Variants in SCAF4 observed in about 807,000 individuals in gnomAD.
SCAF4 encodes SR-related CTD associated factor 4.
SCAF4 carries 25 observed loss-of-function variants against 129.8 expected under a neutral mutation model. The ratio of observed to expected loss-of-function variants is 0.19; its 90% CI spans 0.14 to 0.27. SCAF4 has a LOEUF of 0.27. Ranked by LOEUF, SCAF4 falls within the 10% of genes least tolerant of loss-of-function variation. SCAF4 has a pLI of 1.00. For missense variants in SCAF4, 1,246 were observed against 1,457.1 expected (o/e 0.86, Z 2.36); for synonymous variants, 551 against 497.7 (o/e 1.11, Z -1.43).
chr21:31,706,438 A>G (rs2050664412), intron 1 of SCAF4, 81 bp from the exon 2 acceptor site: 4 of 896,110 alleles, frequency 4.5e-6, no homozygotes, highest in Admixed American at 2.4e-5. Flanking sequence ...TATCTACATC[A>G]CCACTTGGAA....
chr21:31,706,691 G>A, intron 1 of SCAF4: 1 of 281,148 alleles, frequency 3.6e-6, no homozygotes, highest in South Asian at 5.6e-5. Context: ...AAAGGCAGCA[G>A]AAGTATAAAT....
At chr21:31,705,790 T>G (rs914419763) in intron 2 of SCAF4, among the ~76,000 whole-genome samples, 2 of 152,306 alleles carry the variant, frequency 1.3e-5, no homozygotes, top group Middle Eastern at 3.4e-3. Context: ...CTAAAATAAG[T>G]CACATTTTAA....
In SCAF4 at chr21:31,680,103, C is replaced by A. The variant is rs538834048; in HGVS notation, c.2488+4946G>T. Among the ~76,000 whole-genome samples, 8 of 152,174 alleles carry A rather than the reference C, an allele frequency of 5.3e-5. No homozygotes were observed. The South Asian group carries it at 1.7e-3, about 32-fold the overall frequency. On this transcript the variant is annotated intron_variant, in intron 19 of 19. Transcript: ENST00000286835. ...CAATCTAGAGCCCAGAGTTACTGCC[C>A]CTCCCACCTTCCTCAAGATGTCCCT...
At chr21:31,731,612 C>T in intron 1 of SCAF4, 51 bp downstream of exon 1, 3 of 1,573,482 alleles carry the variant, frequency 1.9e-6, no homozygotes, top group Non-Finnish European at 2.6e-6. Flanking sequence ...GAGAAACGAG[C>T]CCCGGCTCCC....
At chr21:31,711,488 G>A (rs1200800718) in intron 1 of SCAF4, among the ~76,000 whole-genome samples, 1 of 152,180 alleles carries the variant, frequency 6.6e-6, no homozygotes, top group Non-Finnish European at 1.5e-5. Flanking sequence ...GACAGAAATA[G>A]TAACAACCTT....
Position 31,693,427 on chromosome 21 carries a change from T to A in SCAF4, c.1380A>T (p.Arg460=). The A allele has an allele frequency of 6.4e-7, 1 of 1,563,164 alleles. No homozygotes were observed. Among genetic ancestry groups the A allele is most frequent in the African/African-American group, 1.4e-5 (1 of 73,694 alleles). Residue 460 remains arginine (R), a synonymous_variant, in exon 12 of 20, where the codon CGA becomes CGT. Transcript: ENST00000286835. ...TATCCCTGGACCGAGATCGAGAACGTCGATGCCGAGACCTTCGAGATCTAG... is the reference window on the plus strand; with the variant it reads ...TATCCCTGGACCGAGATCGAGAACGACGATGCCGAGACCTTCGAGATCTAG... The part of the protein sequence containing the change: ...SGSRSRRSRH[R]RSRSRSRDRR...
chr21:31,671,140 A>G lies in SCAF4; in HGVS notation c.*259T>C. ...AAAAAAAAAAATAGAGAGCACTTCT[A>G]ATTACGATTTGTAAACTTTTTAAAG... On this transcript the variant is annotated 3_prime_UTR_variant, in exon 20 of 20. Transcript: ENST00000286835. The G allele has an allele frequency of 2.7e-6, 1 of 369,182 alleles. No individual in the cohort carries two copies. The allele number at this position is 369,182 out of a possible 1,614,324, so 22.9% of individuals were successfully genotyped here.
At chr21:31,684,825 C>CT in intron 19 of SCAF4, 1 of 528,646 alleles carries the variant, frequency 1.9e-6, no homozygotes, top group East Asian at 3.3e-5. Context: ...ATGATTTTGT[C>CT]TTTGAGATTC....
At chr21:31,694,758 G>T in intron 10 of SCAF4, 55 bp downstream of exon 10, 1 of 1,519,620 alleles carries the variant, frequency 6.6e-7, no homozygotes, top group East Asian at 2.3e-5. Flanking sequence ...GGAGAAATCT[G>T]CATATAAGTC....
chr21:31,701,275 G>C, intron 6 of SCAF4, 104 bp from the exon 7 acceptor site: 1 of 974,122 alleles, frequency 1.0e-6, no homozygotes, highest in South Asian at 2.4e-5. Flanking sequence ...AAGTAGCATA[G>C]GCACAGAACA....
At chr21:31,697,939 T>A (rs16988450) in intron 7 of SCAF4, among the ~76,000 whole-genome samples, 6,157 of 152,274 alleles carry the variant, frequency 0.04, 432 homozygotes, top group African/African-American at 0.14. Context: ...ATATTTTTAT[T>A]TAACCCTCAT....
At position 31,694,190 on chromosome 21, in the gene SCAF4, T is replaced by C. The variant is rs1381798353; in HGVS notation, c.1322+14A>G. 1.9e-6 allele frequency: 3 copies of C among 1,539,456 alleles called. No homozygotes were observed. The highest frequency in any genetic ancestry group is 2.7e-5 in the African/African-American group (2 of 73,204). ...AGATATACAGGGTTGGAAAAAACAT[T>C]TTCTATAAATTACCTGGATGCTGAC... On this transcript the variant is annotated intron_variant, in intron 11 of 19. Transcript: ENST00000286835.
chr21:31,711,925 A>C (rs2050808634), intron 1 of SCAF4, among the ~76,000 whole-genome samples: 1 of 152,186 alleles, frequency 6.6e-6, no homozygotes, highest in Non-Finnish European at 1.5e-5. Context: ...TGATGCTTTA[A>C]ATGACCCTAC....
intron 1 of SCAF4, among the ~76,000 whole-genome samples, chr21:31,723,831 A>G (rs1018595621): frequency 2.6e-5 from 4 of 152,182 alleles, no homozygotes; most frequent in African/African-American, 9.7e-5. Flanking sequence ...ATGGATTTAC[A>G]CCAAGAATCA....
intron 1 of SCAF4, among the ~76,000 whole-genome samples, chr21:31,729,124 C>T (rs2051282216): frequency 6.6e-6 from 1 of 152,224 alleles, no homozygotes; most frequent in Non-Finnish European, 1.5e-5. Context: ...CATTATCCCA[C>T]TGCTTAAAAC....
chr21:31,692,925 C>T (rs1353016562), intron 12 of SCAF4, among the ~76,000 whole-genome samples: 2 of 152,150 alleles, frequency 1.3e-5, no homozygotes, highest in Middle Eastern at 3.2e-3. Flanking sequence ...CTTACATATG[C>T]CCTAGTCATA....
chr21:31,706,222 A>C, intron 2 of SCAF4, 52 bp downstream of exon 2: 5 of 1,220,652 alleles, frequency 4.1e-6, no homozygotes, highest in South Asian at 4.1e-5. Context: ...AAAGTAATAA[A>C]TATTTTCAAA....
At chr21:31,693,890 A>G (rs1260963220) in intron 11 of SCAF4, among the ~76,000 whole-genome samples, 2 of 152,210 alleles carry the variant, frequency 1.3e-5, no homozygotes, top group Non-Finnish European at 2.9e-5. Context: ...TTGCTGGCTG[A>G]TAAAGCTGTA....
chr21:31,694,433 C>G, intron 10 of SCAF4, 144 bp from the exon 11 acceptor site: 1 of 565,084 alleles, frequency 1.8e-6, no homozygotes, highest in Non-Finnish European at 3.1e-6. Flanking sequence ...CTAGTAACAA[C>G]TGGCCATCAC....
Sources: gnomAD v4.1 joint callset for allele counts (sites outside exome capture counted in the v4.1 genomes callset) on GRCh38, gnomAD v4.1.1 for gene constraint, MANE v1.5 for transcripts, NCBI Gene and HGNC (gene_info 2026-07-23, HGNC 2026-07-21) for gene names.